Variants in PCDHA2 observed in about 807,000 individuals in gnomAD.
PCDHA2 encodes the protein protocadherin alpha-2.
PCDHA2 carries 58 observed loss-of-function variants against 66.0 expected under a neutral mutation model. That is an observed-to-expected ratio of 0.88 (90% CI 0.71 to 1.09). The LOEUF is 1.09. Ranked by LOEUF, PCDHA2 falls within the 50% of genes least tolerant of loss-of-function variation. PCDHA2 has a pLI of 0.00. For synonymous variants in PCDHA2, 634 were observed against 554.0 expected, an observed-to-expected ratio of 1.14 and a Z score of -2.03; for missense variants, 1,267 against 1,242.3, an observed-to-expected ratio of 1.02 and a Z score of -0.30.
At chr5:140,885,267 C>T (rs1448375746) in intron 1 of PCDHA2, among the ~76,000 whole-genome samples, 1 of 151,978 alleles carries the variant, frequency 6.6e-6, no homozygotes, top group Non-Finnish European at 1.5e-5. Flanking sequence ...ATTACTCATA[C>T]ATATATATAT....
Position 140,961,453 on chromosome 5 carries a change from C to A in PCDHA2, c.2389-17496C>A, listed in dbSNP as rs138800149. On this transcript the variant is annotated intron_variant, in intron 1 of 3. Transcript: ENST00000526136. ...AAAATCACCTAACTACACTGTCTTG[C>A]AGCTGCCTTTCTTTTTTTGTCTTGT... Among the ~76,000 whole-genome samples the A allele has an allele frequency of 2.6e-3, 401 of 152,318 alleles. 1 individual carries two copies. The highest frequency in any genetic ancestry group is 9.2e-3 in the African/African-American group (384 of 41,574).
At chr5:140,999,400 A>G (rs1331954466) in intron 3 of PCDHA2, among the ~76,000 whole-genome samples, 2 of 152,150 alleles carry the variant, frequency 1.3e-5, no homozygotes, top group Admixed American at 6.5e-5. Flanking sequence ...TGTTTTGCAT[A>G]TGAAAGAATG....
At chr5:141,003,331 TTTTG>T (rs1554259005) in intron 3 of PCDHA2, among the ~76,000 whole-genome samples, 2 of 152,142 alleles carry the variant, frequency 1.3e-5, no homozygotes, top group Non-Finnish European at 2.9e-5. Flanking sequence ...GGGCAGGGTT[TTTTG>T]TTTGTTTGCT....
chr5:140,989,517 G>A (rs782479733), intron 3 of PCDHA2, among the ~76,000 whole-genome samples: 4 of 152,186 alleles, frequency 2.6e-5, no homozygotes, highest in Non-Finnish European at 5.9e-5. Flanking sequence ...CCTGAGTTGA[G>A]GGCAGAGGAG....
chr5:140,808,501 G>T (rs781840544), intron 1 of PCDHA2: 5 of 1,614,178 alleles, frequency 3.1e-6, no homozygotes, highest in African/African-American at 1.3e-5. Context: ...TGTGGGCCAC[G>T]GCCAGTGTTT....
rs79396364 is a variant in PCDHA2 at position 140,939,917 on chromosome 5, T to C, written c.2389-39032T>C. On this transcript the variant is annotated intron_variant, in intron 1 of 3. Transcript: ENST00000526136. ...TATTCTGCATTCTTTTTTATTCTTT[T>C]TGTTTGCTTATTTTATCAGTTACTG... is the stretch of plus-strand genomic sequence containing the variant. Among the ~76,000 whole-genome samples, 828 of 152,316 alleles carry C rather than the reference T, an allele frequency of 5.4e-3. 3 individuals carry two copies. The highest frequency in any genetic ancestry group is 0.019 in the African/African-American group (797 of 41,560).
intron 1 of PCDHA2, among the ~76,000 whole-genome samples, chr5:140,901,030 C>G (rs1382384435): frequency 6.6e-6 from 1 of 152,116 alleles, no homozygotes; most frequent in Admixed American, 6.5e-5. Context: ...CTATTCAACT[C>G]TTTTGCCCAT....
rs1320131032 is a variant in PCDHA2 at position 140,798,948 on chromosome 5, T to C, written c.2388+1596T>C. 2.1e-4 allele frequency among the ~76,000 whole-genome samples: 32 copies of C among 152,238 alleles called. 2 individuals carry two copies. Among genetic ancestry groups the C allele is most frequent in the Admixed American group, 2.1e-3 (32 of 15,290 alleles). ...TAGAAATAACTTCCACTAGTGATCT[T>C]ACCTTTAGCCATTTCATAGTTAGGT... On this transcript the variant is annotated intron_variant, in intron 1 of 3. Transcript: ENST00000526136.
chr5:140,802,545 G>C, intron 1 of PCDHA2: 2 of 1,614,220 alleles, frequency 1.2e-6, no homozygotes, highest in Non-Finnish European at 1.7e-6. Flanking sequence ...CGACGTGAAC[G>C]ACAATGCGCC....
chr5:140,834,802 T>C, intron 1 of PCDHA2: 1 of 1,612,920 alleles, frequency 6.2e-7, no homozygotes, highest in Non-Finnish European at 8.5e-7. Context: ...CAAAGGAATC[T>C]GTTCATCGCG....
intron 1 of PCDHA2, among the ~76,000 whole-genome samples, chr5:140,895,788 G>A (rs947578940): frequency 3.9e-5 from 6 of 152,014 alleles, no homozygotes; most frequent in East Asian, 1.9e-4. Context: ...ATTCAATGAC[G>A]TATATGTACA....
At chr5:140,829,500 C>T (rs2150168972) in intron 1 of PCDHA2, 8 of 1,613,600 alleles carry the variant, frequency 5.0e-6, no homozygotes, top group South Asian at 4.4e-5. Context: ...AACAACCCGC[C>T]GGGCTGCCAC....
chr5:140,807,737 C>T (rs3822346), intron 1 of PCDHA2: 868,815 of 1,613,860 alleles, frequency 0.54, 235,594 homozygotes, highest in African/African-American at 0.7. Flanking sequence ...GGAAAAACCA[C>T]CTGATGACGA....
intron 1 of PCDHA2, chr5:140,824,610 G>GTTTTTTTGT (rs1768198907): frequency 1.1e-5 from 1 of 95,104 alleles, no homozygotes; most frequent in Non-Finnish European, 1.9e-5. Flanking sequence ...GCTAATTAAA[G>GTTTTTTTGT]TTTTTTTTTT....
At chr5:140,896,541 T>C (rs2065612579) in intron 1 of PCDHA2, among the ~76,000 whole-genome samples, 1 of 151,728 alleles carries the variant, frequency 6.6e-6, no homozygotes, top group South Asian at 2.1e-4. Flanking sequence ...TTTTTCTTTT[T>C]TTTTTTTGTA....
In PCDHA2 at chr5:140,927,920, T is replaced by C. The variant is rs782193396; in HGVS notation, c.2389-51029T>C. Reference sequence around the variant, plus strand: ...GATCATGCCCCCGAACTGGACTTCCTGACTCTTTCGAACCCAGTACCTGAG... The same window carrying C: ...GATCATGCCCCCGAACTGGACTTCCCGACTCTTTCGAACCCAGTACCTGAG... On this transcript the variant is annotated intron_variant, in intron 1 of 3. Transcript: ENST00000526136. 6.2e-6 allele frequency: 10 copies of C among 1,614,120 alleles called. No individual in the cohort carries two copies. In the South Asian group the frequency reaches 1.1e-4, roughly 18 times the overall value.
intron 1 of PCDHA2, chr5:140,884,747 T>A: frequency 7.0e-7 from 1 of 1,433,190 alleles, no homozygotes; most frequent in African/African-American, 1.4e-5. Context: ...TCCTGCCAAT[T>A]TCAAATTATT....
At chr5:140,870,955 C>G (rs782342308) in intron 1 of PCDHA2, 1 of 1,613,632 alleles carries the variant, frequency 6.2e-7, no homozygotes, top group South Asian at 1.1e-5. Context: ...GGGCGGCTCG[C>G]GCATCCCGTT....
intron 1 of PCDHA2, among the ~76,000 whole-genome samples, chr5:140,907,278 A>G (rs558447183): frequency 2.6e-5 from 4 of 152,338 alleles, no homozygotes; most frequent in African/African-American, 7.2e-5. Context: ...CCATCATTCT[A>G]TCAATCCAGC....
Sources: gnomAD v4.1 joint callset for allele counts (sites outside exome capture counted in the v4.1 genomes callset) on GRCh38, gnomAD v4.1.1 for gene constraint, MANE v1.5 for transcripts, NCBI Gene and HGNC (gene_info 2026-07-23, HGNC 2026-07-21) for gene names.